TRAF3IP1: variants seen among roughly 807,000 people sequenced by gnomAD.
TRAF3IP1 encodes the protein TRAF3-interacting protein 1.
Under a neutral mutation model 89.9 loss-of-function variants are expected in TRAF3IP1, and 53 were observed. The observed-to-expected ratio is 0.59, with a 90% CI of 0.47 to 0.74. The LOEUF is 0.74. Among genes scored for constraint, TRAF3IP1 ranks in the 30% least tolerant of loss-of-function variants. The pLI, the probability that TRAF3IP1 is intolerant of heterozygous loss-of-function variation, is 0.00. For synonymous variants in TRAF3IP1, 311 were observed against 322.1 expected, an observed-to-expected ratio of 0.97 and a Z score of 0.37; for missense variants, 806 against 866.1, an observed-to-expected ratio of 0.93 and a Z score of 0.87.
intron 15 of TRAF3IP1, among the ~76,000 whole-genome samples, chr2:238,366,927 G>A (rs1236757355): frequency 6.6e-6 from 1 of 151,996 alleles, no homozygotes; most frequent in African/African-American, 2.4e-5. Context: ...CCTTTGGGAG[G>A]CCGAGGCGGG....
chr2:238,359,773 A>T (rs948032755), intron 15 of TRAF3IP1, among the ~76,000 whole-genome samples: 5 of 152,210 alleles, frequency 3.3e-5, no homozygotes, highest in African/African-American at 1.2e-4. Context: ...GATATGTTCC[A>T]TGACCCCTAG....
rs139198405 is a variant in TRAF3IP1, at chr2:238,329,137, G to A, written c.710G>A (p.Arg237Lys). The A allele has an allele frequency of 1.5e-5, 23 of 1,552,946 alleles. No homozygotes were observed. The African/African-American group carries it at 2.9e-4, about 19-fold the overall frequency. The change falls in exon 5 of 17, where the codon AGG becomes AAG. Residue 237 changes from arginine (R) to lysine (K), a missense_variant. Around this residue, in one of 3 missense-constraint regions of TRAF3IP1, gnomAD observed 732 missense variants for 780.5 expected, o/e 0.94. Coordinates refer to ENST00000373327, the MANE Select transcript of TRAF3IP1 (RefSeq NM_015650.4). ...GAGCGACAGAAAGACAGAGGCAACA[G>A]GGAGCGGGACAGAGACTCCGAGCGC... is the stretch of plus-strand genomic sequence containing the variant. The part of the protein sequence containing the change: ...DNERQKDRGN[R>K]ERDRDSERKK...
chr2:238,322,577 A>G (rs1461828086), intron 1 of TRAF3IP1, among the ~76,000 whole-genome samples: 1 of 150,396 alleles, frequency 6.6e-6, no homozygotes, highest in Non-Finnish European at 1.5e-5. Flanking sequence ...AATCCCAGCT[A>G]CTCAGGAGGC....
chr2:238,356,872 G>A (rs1699436289), intron 15 of TRAF3IP1, among the ~76,000 whole-genome samples: 1 of 151,160 alleles, frequency 6.6e-6, no homozygotes, highest in South Asian at 2.1e-4. Context: ...TCCGCCTCCC[G>A]GGTTCACGCC....
chr2:238,348,849 G>T lies in TRAF3IP1; in HGVS notation c.1367+1G>T. On this transcript the variant is annotated splice_donor_variant, in intron 11 of 16. Transcript: ENST00000373327. LOFTEE classifies it high-confidence loss of function. ...CTAATGAGCTTTCATCCAACATCAG[G>T]TCTGTGTGCTTTGAATCCCTTTCCC... The T allele has an allele frequency of 6.2e-7, 1 of 1,613,908 alleles. No individual in the cohort carries two copies. The highest frequency in any genetic ancestry group is 8.5e-7 in the Non-Finnish European group (1 of 1,179,844).
At chr2:238,373,424 T>C (rs1301968658) in intron 15 of TRAF3IP1, among the ~76,000 whole-genome samples, 3 of 152,244 alleles carry the variant, frequency 2.0e-5, no homozygotes, top group Admixed American at 6.5e-5. Flanking sequence ...GTCAGGTTTG[T>C]CAAAGATCAG....
chr2:238,343,153 C>G (rs1165582388), intron 8 of TRAF3IP1, among the ~76,000 whole-genome samples: 1 of 151,652 alleles, frequency 6.6e-6, no homozygotes, highest in Non-Finnish European at 1.5e-5. Context: ...GTGGCACGAT[C>G]TCGCTCACTG....
intron 15 of TRAF3IP1, among the ~76,000 whole-genome samples, chr2:238,364,998 C>T (rs1348090162): frequency 1.3e-5 from 2 of 152,174 alleles, no homozygotes; most frequent in Non-Finnish European, 2.9e-5. Flanking sequence ...AATGTAAGAA[C>T]TTCTTGTATC....
intron 15 of TRAF3IP1, among the ~76,000 whole-genome samples, chr2:238,357,355 C>G (rs2106333154): frequency 6.6e-6 from 1 of 152,228 alleles, no homozygotes; most frequent in East Asian, 1.9e-4. Flanking sequence ...AGCCTAATAA[C>G]TCAACAATTT....
intron 15 of TRAF3IP1, among the ~76,000 whole-genome samples, chr2:238,374,651 G>T (rs1316841127): frequency 6.6e-6 from 1 of 152,220 alleles, no homozygotes; most frequent in Non-Finnish European, 1.5e-5. Flanking sequence ...CATAAAATGA[G>T]TTAGGGAGGA....
At chr2:238,341,203 T>G (rs529214963) in intron 8 of TRAF3IP1, among the ~76,000 whole-genome samples, 8,848 of 131,696 alleles carry the variant, frequency 0.067, 365 homozygotes, top group Non-Finnish European at 0.087. Flanking sequence ...TTTTTTTTTT[T>G]GTAGAGAGAG....
rs760462709 is a variant in TRAF3IP1, at chr2:238,344,494, C to G, written c.1160-3C>G. ...TGACTAATTTTAAACTGTTTTATGTCAGGAACAAAAGAAGCTAATATTAAC... is the reference window on the plus strand; with the variant it reads ...TGACTAATTTTAAACTGTTTTATGTGAGGAACAAAAGAAGCTAATATTAAC... On this transcript the variant is annotated splice_region_variant and splice_polypyrimidine_tract_variant and intron_variant, in intron 8 of 16. Coordinates refer to ENST00000373327, the MANE Select transcript of TRAF3IP1 (RefSeq NM_015650.4). 6.2e-7 allele frequency: 1 copy of G among 1,613,006 alleles called. No individual in the cohort carries two copies. Among genetic ancestry groups the G allele is most frequent in the Non-Finnish European group, 8.5e-7 (1 of 1,179,002 alleles).
At chr2:238,388,383 A>AG (rs1229315090) in intron 15 of TRAF3IP1, among the ~76,000 whole-genome samples, 1 of 151,438 alleles carries the variant, frequency 6.6e-6, no homozygotes, top group Non-Finnish European at 1.5e-5. Context: ...TCAAAAAAAA[A>AG]AAAAAAAAAG....
chr2:238,353,026 T>C (rs1238363126), intron 13 of TRAF3IP1, 76 bp downstream of exon 13: 19 of 1,538,382 alleles, frequency 1.2e-5, no homozygotes, highest in Non-Finnish European at 1.5e-5. Flanking sequence ...AGCTTTTAGA[T>C]TTATGTAGAC....
intron 6 of TRAF3IP1, among the ~76,000 whole-genome samples, chr2:238,333,363 A>G (rs1254124423): frequency 6.6e-6 from 1 of 152,068 alleles, no homozygotes; most frequent in East Asian, 1.9e-4. Context: ...CGTCTTGTGG[A>G]GGTTACACTC....
intron 15 of TRAF3IP1, among the ~76,000 whole-genome samples, chr2:238,357,661 T>G (rs779009358): frequency 3.3e-5 from 5 of 152,190 alleles, no homozygotes; most frequent in Non-Finnish European, 5.9e-5. Flanking sequence ...TGTTTTTTCA[T>G]TGATGGAATG....
In TRAF3IP1 at chr2:238,356,999, C is replaced by T. The variant is rs186570013; in HGVS notation, c.1689+919C>T. Among the ~76,000 whole-genome samples the T allele has an allele frequency of 3.8e-3, 574 of 152,222 alleles. 8 individuals carry two copies. The highest frequency in any genetic ancestry group is 0.013 in the African/African-American group (528 of 41,532). On this transcript the variant is annotated intron_variant, in intron 15 of 16. Coordinates refer to ENST00000373327, the MANE Select transcript of TRAF3IP1 (RefSeq NM_015650.4). ...TTTACCGTGTTAGCCAGGATGGTCT[C>T]GATCTCCTGACCTCGTGATCCACCC...
chr2:238,350,764 G>A (rs959363305), intron 12 of TRAF3IP1, among the ~76,000 whole-genome samples: 3 of 152,202 alleles, frequency 2.0e-5, no homozygotes, highest in Non-Finnish European at 4.4e-5. Context: ...GGACTTGGGC[G>A]TAAAGAGACA....
At chr2:238,364,576 C>A (rs1348554135) in intron 15 of TRAF3IP1, among the ~76,000 whole-genome samples, 1 of 152,048 alleles carries the variant, frequency 6.6e-6, no homozygotes. Context: ...TTAAATATTT[C>A]TCACTCCTAA....
Sources: gnomAD v4.1 joint callset for allele counts (sites outside exome capture counted in the v4.1 genomes callset) on GRCh38, gnomAD v4.1.1 for gene constraint, gnomAD v4.1.1 regional missense constraint, MANE v1.5 for transcripts, NCBI Gene and HGNC (gene_info 2026-07-23, HGNC 2026-07-21) for gene names.